GFRA2: variants seen among roughly 807,000 people sequenced by gnomAD.
GFRA2 encodes the protein GDNF family receptor alpha-2.
In GFRA2, 17 loss-of-function variants were observed where a neutral mutation model predicts 48.3. The observed-to-expected ratio is 0.35, with a 90% CI of 0.24 to 0.53. The LOEUF (loss-of-function observed/expected upper bound fraction) is 0.53, where lower values mean the gene tolerates loss of function less well. Ranked by LOEUF, GFRA2 falls within the 20% of genes least tolerant of loss-of-function variation. GFRA2 has a pLI of 0.93. For synonymous variants in GFRA2, 305 were observed against 257.2 expected, an observed-to-expected ratio of 1.19 and a Z score of -1.78; for missense variants, 660 against 637.3, an observed-to-expected ratio of 1.04 and a Z score of -0.38.
At chr8:21,705,791 C>G in intron 5 of GFRA2, 141 bp downstream of exon 5, 1 of 612,930 alleles carries the variant, frequency 1.6e-6, no homozygotes, top group Non-Finnish European at 2.9e-6. Context: ...GGTTTCCCCT[C>G]GCAGCTCTCT....
chr8:21,765,121 A>T (rs1300990970), intron 3 of GFRA2, among the ~76,000 whole-genome samples: 10 of 150,650 alleles, frequency 6.6e-5, no homozygotes, highest in East Asian at 2.0e-4. Context: ...TTATTTATTT[A>T]TTTTTTTTGA....
At chr8:21,699,806 A>T (rs1365575750) in intron 7 of GFRA2, among the ~76,000 whole-genome samples, 1 of 152,178 alleles carries the variant, frequency 6.6e-6, no homozygotes, top group African/African-American at 2.4e-5. Flanking sequence ...AATGAATCCA[A>T]TGAACTGGGG....
rs74934179 is a variant in GFRA2, at chr8:21,706,291, A to C, written c.795-250T>G. 2.2e-3 allele frequency: 1,375 copies of C among 623,574 alleles called. 11 individuals carry two copies. The highest frequency in any genetic ancestry group is 0.022 in the African/African-American group (1,199 of 55,332). 38.6% of individuals were successfully genotyped at this position (623,574 alleles called of 1,614,324 possible). ...TTAAGAAAAACCCAGTCATTGGCTG[A>C]CAAAAAGGACCCCTCAAGGCACAGA... On this transcript the variant is annotated intron_variant, in intron 4 of 8. Transcript: ENST00000524240.
chr8:21,720,404 G>A (rs372988709), intron 4 of GFRA2, among the ~76,000 whole-genome samples: 2 of 152,186 alleles, frequency 1.3e-5, no homozygotes, highest in Non-Finnish European at 2.9e-5. Context: ...TTTCTGGGAA[G>A]AGTAACCGAG....
rs1801869412 is a variant in GFRA2 at position 21,691,121 on chromosome 8, AC to A, written c.*2156del. 1 of 152,218 alleles carries A rather than the reference AC, an allele frequency of 6.6e-6. No homozygotes were observed. The highest frequency in any genetic ancestry group is 2.4e-5 in the African/African-American group (1 of 41,448). The allele number at this position is 152,218 out of a possible 1,614,324, so 9.4% of individuals were successfully genotyped here. A position where few individuals can be genotyped will look rare whatever the true frequency, so the allele number is the denominator to read the frequency against. ...GGACCTGCGATTGGGAGATGGGAAAACTGCATCCTATTGTCCAGTTGAAATG... is the reference window on the plus strand; with the variant it reads ...GGACCTGCGATTGGGAGATGGGAAAATGCATCCTATTGTCCAGTTGAAATG... On this transcript the variant is annotated 3_prime_UTR_variant, in exon 9 of 9. Transcript: ENST00000524240.
chr8:21,781,958 G>A (rs1807013599), intron 2 of GFRA2, among the ~76,000 whole-genome samples: 1 of 150,846 alleles, frequency 6.6e-6, no homozygotes, highest in African/African-American at 2.5e-5. Context: ...CCCAAGCCCT[G>A]TAGAAGGTGA....
Position 21,750,715 on chromosome 8 carries a change from A to G in GFRA2, c.667T>C (p.Ser223Pro), listed in dbSNP as rs757924856. 8 of 1,613,860 alleles carry G rather than the reference A, an allele frequency of 5.0e-6. 1 individual carries two copies. The highest frequency in any genetic ancestry group is 6.8e-6 in the Non-Finnish European group (8 of 1,179,836). ...TCAGCGCACGCCTGGTCTTGGCAGG[A>G]GCAGAAGAGCATGCGGTAGGTGTAC... ...SEYTYRMLFCSCQDQACAERR... is the reference protein window; with the variant it reads ...SEYTYRMLFCPCQDQACAERR... The change falls in exon 4 of 9, where the codon TCC becomes CCC. Residue 223 changes from serine (S) to proline (P), a missense_variant. By Grantham distance (74) the Ser-to-Pro change is moderately conservative. Coordinates refer to ENST00000524240, the MANE Select transcript of GFRA2 (RefSeq NM_001495.5). This position sits in a 1 kb window ranked among gnomAD's most constrained non-coding sequence, Gnocchi z 5.7.
chr8:21,805,874 G>T (rs887131001), intron 1 of GFRA2, among the ~76,000 whole-genome samples: 1 of 152,236 alleles, frequency 6.6e-6, no homozygotes, highest in African/African-American at 2.4e-5. Flanking sequence ...TCTGCCTGGA[G>T]AAACAACAGC....
chr8:21,793,866 G>GTTTTTTTT, upstream of GFRA2, among the ~76,000 whole-genome samples: 1 of 135,336 alleles, frequency 7.4e-6, no homozygotes, highest in Non-Finnish European at 1.6e-5. Context: ...GAGAATCAAA[G>GTTTTTTTT]TTTTTTTTTT....
chr8:21,735,798 C>T (rs1230880422), intron 4 of GFRA2, among the ~76,000 whole-genome samples: 1 of 151,912 alleles, frequency 6.6e-6, no homozygotes, highest in Non-Finnish European at 1.5e-5. Flanking sequence ...TCCTGAGTAG[C>T]CGGGACTACG....
intron 7 of GFRA2, among the ~76,000 whole-genome samples, chr8:21,698,261 G>A (rs200969919): frequency 6.6e-6 from 1 of 152,220 alleles, no homozygotes; most frequent in East Asian, 1.9e-4. Flanking sequence ...CCTGAGGGCT[G>A]TGCTGTGGGT....
chr8:21,714,246 C>CTATTTT (rs1554487215), intron 4 of GFRA2, among the ~76,000 whole-genome samples: 2 of 78,400 alleles, frequency 2.6e-5, no homozygotes, highest in Non-Finnish European at 4.5e-5. Context: ...GTCTGAAGTT[C>CTATTTT]TTTTTTTTTT....
At chr8:21,753,937 A>G (rs1201027600) in intron 3 of GFRA2, among the ~76,000 whole-genome samples, 1 of 152,146 alleles carries the variant, frequency 6.6e-6, no homozygotes. Context: ...GCGTGGCCAC[A>G]GGGCCTTTGC....
chr8:21,794,578 AAAT>A (rs1222411370), intron 2 of GFRA2, among the ~76,000 whole-genome samples: 2 of 152,146 alleles, frequency 1.3e-5, no homozygotes, highest in East Asian at 3.9e-4. Context: ...TTTAAAAACT[AAAT>A]AAAATATTTA....
intron 4 of GFRA2, among the ~76,000 whole-genome samples, chr8:21,708,318 T>C (rs781702689): frequency 1.1e-4 from 16 of 152,152 alleles, no homozygotes; most frequent in Non-Finnish European, 1.8e-4. Flanking sequence ...AACTCCATCT[T>C]AGATGTCAAA....
At chr8:21,784,013 G>A (rs1450784370) in intron 1 of GFRA2, among the ~76,000 whole-genome samples, 1 of 151,808 alleles carries the variant, frequency 6.6e-6, no homozygotes, top group African/African-American at 2.4e-5. Flanking sequence ...ATTGCAAAAG[G>A]GAAAAGCTCC....
chr8:21,730,768 C>G (rs537146602), intron 4 of GFRA2, among the ~76,000 whole-genome samples: 8 of 152,308 alleles, frequency 5.3e-5, no homozygotes, highest in Admixed American at 3.3e-4. Flanking sequence ...CAGGGCAGCA[C>G]GTGCTTTATT....
chr8:21,735,622 A>G (rs1340017780), intron 4 of GFRA2, among the ~76,000 whole-genome samples: 1 of 152,198 alleles, frequency 6.6e-6, no homozygotes, highest in East Asian at 1.9e-4. Flanking sequence ...CATAAGCCCA[A>G]ATGAAAGAAA....
At chr8:21,780,592 C>T (rs1474131435) in intron 2 of GFRA2, among the ~76,000 whole-genome samples, 1 of 152,170 alleles carries the variant, frequency 6.6e-6, no homozygotes, top group Non-Finnish European at 1.5e-5. Context: ...CTTCCTCCCT[C>T]GACTCTAGAC....
Sources: allele counts gnomAD v4.1 joint callset (sites outside exome capture counted in the v4.1 genomes callset), GRCh38; gene constraint gnomAD v4.1.1; non-coding constraint Gnocchi (gnomAD v3.1); transcripts MANE v1.5; gene names NCBI Gene and HGNC (gene_info 2026-07-23, HGNC 2026-07-21).